DMD: variants seen among roughly 807,000 people sequenced by gnomAD.
The protein encoded by DMD is dystrophin.
DMD carries 63 observed loss-of-function variants against 330.1 expected under a neutral mutation model. The ratio of observed to expected loss-of-function variants is 0.19; its 90% CI spans 0.16 to 0.24. The LOEUF is 0.24. Ranked by LOEUF, DMD falls within the 10% of genes least tolerant of loss-of-function variation. The pLI is 1.00. For synonymous variants in DMD, 1,223 were observed against 959.8 expected, an observed-to-expected ratio of 1.27 and a Z score of -5.07; for missense variants, 3,344 against 2,684.1, an observed-to-expected ratio of 1.25 and a Z score of -5.43.
At chrX:32,782,829 G>C (rs906108751) in intron 7 of DMD, among the ~76,000 whole-genome samples, 1 of 107,816 alleles carries the variant, frequency 9.3e-6, no homozygotes, top group East Asian at 2.9e-4. Context: ...ATTCCATATT[G>C]TATGCCTCTA....
intron 51 of DMD, among the ~76,000 whole-genome samples, chrX:31,732,106 A>T (rs753680216): frequency 9.0e-6 from 1 of 111,488 alleles, no homozygotes; most frequent in South Asian, 3.8e-4. Flanking sequence ...ACCTGAGAAG[A>T]TTATTAATGA....
At chrX:31,736,027 G>A (rs1218787948) in intron 51 of DMD, among the ~76,000 whole-genome samples, 2 of 111,134 alleles carry the variant, frequency 1.8e-5, no homozygotes, top group African/African-American at 6.6e-5. Flanking sequence ...AGGGCCCTGC[G>A]TTTTCATTTT....
intron 54 of DMD, among the ~76,000 whole-genome samples, chrX:31,653,475 C>G (rs976076321): frequency 4.5e-5 from 5 of 110,478 alleles, no homozygotes; most frequent in Admixed American, 9.7e-5. Flanking sequence ...GCATGTTTAA[C>G]CCTCTGATGC....
At chrX:33,140,562 T>C (rs750087089) in intron 1 of DMD, among the ~76,000 whole-genome samples, 1 of 112,684 alleles carries the variant, frequency 8.9e-6, no homozygotes, top group South Asian at 3.6e-4. Context: ...AGTTTTCTCA[T>C]CTATAAAATA....
chrX:31,438,867 C>T (rs189481165), intron 60 of DMD, among the ~76,000 whole-genome samples: 1 of 111,731 alleles, frequency 9.0e-6, no homozygotes, highest in African/African-American at 3.2e-5. Context: ...AACAAACATA[C>T]ATAGATACAG....
rs932620775 is a variant in DMD, at chrX:32,862,894, G to A, written c.94-13074C>T. On this transcript the variant is annotated intron_variant, in intron 2 of 78. Coordinates refer to ENST00000357033, the MANE Select transcript of DMD (RefSeq NM_004006.3). Reference sequence around the variant, plus strand: ...TGGGATTACAGGCGCGAGCCACTACGCTTGGCTAATTTTTTTATATTTTTA... The same window carrying A: ...TGGGATTACAGGCGCGAGCCACTACACTTGGCTAATTTTTTTATATTTTTA... 1.1e-4 allele frequency among the ~76,000 whole-genome samples: 12 copies of A among 110,257 alleles called. No homozygotes were observed. The East Asian group carries it at 2.9e-3, about 27-fold the overall frequency.
intron 50 of DMD, among the ~76,000 whole-genome samples, chrX:31,805,830 G>T (rs1190489987): frequency 8.9e-6 from 1 of 112,177 alleles, no homozygotes; most frequent in Non-Finnish European, 1.9e-5. Flanking sequence ...AGAAGATTAG[G>T]GAAACACATT....
chrX:31,291,564 C>T lies in DMD; in HGVS notation c.9225-30548G>A, dbSNP rs1463533684. ...AGCAATCTTAGAGTATCTTAGTGTG[C>T]TTTAAGTCAACTGACACTGACAAAA... On this transcript the variant is annotated intron_variant, in intron 62 of 78. Transcript: ENST00000357033. Among the ~76,000 whole-genome samples the T allele has an allele frequency of 2.7e-5, 3 of 111,919 alleles. No homozygotes were observed. In the Admixed American group the frequency reaches 2.9e-4, roughly 11 times the overall value.
intron 41 of DMD, among the ~76,000 whole-genome samples, chrX:32,337,018 C>T (rs1164002223): frequency 9.0e-6 from 1 of 111,098 alleles, no homozygotes; most frequent in African/African-American, 3.3e-5. Flanking sequence ...TTAGAAGGAG[C>T]TCTCTGCCTT....
intron 7 of DMD, among the ~76,000 whole-genome samples, chrX:32,804,558 T>A (rs1421892985): frequency 3.6e-5 from 4 of 112,417 alleles, no homozygotes; most frequent in Non-Finnish European, 7.5e-5. Context: ...ATCAGCAGAC[T>A]AAACGTTCTT....
chrX:32,471,091 A>G (rs760842806), intron 22 of DMD, among the ~76,000 whole-genome samples: 8 of 110,988 alleles, frequency 7.2e-5, no homozygotes, highest in African/African-American at 2.6e-4. Context: ...AGCATGGCCA[A>G]GATGGTGAAA....
chrX:31,580,490 T>TA (rs1347212715), intron 55 of DMD, among the ~76,000 whole-genome samples: 1 of 111,914 alleles, frequency 8.9e-6, no homozygotes, highest in South Asian at 3.8e-4. Context: ...TCAGAGCAGA[T>TA]AAACTACCCA....
chrX:32,442,903 T>A (rs1002330627), intron 27 of DMD, among the ~76,000 whole-genome samples: 6 of 111,199 alleles, frequency 5.4e-5, no homozygotes, highest in Non-Finnish European at 9.5e-5. Flanking sequence ...TATTATAGTT[T>A]ACCATTACTG....
At chrX:31,575,847 G>A (rs2076069843) in intron 55 of DMD, among the ~76,000 whole-genome samples, 1 of 111,664 alleles carries the variant, frequency 9.0e-6, no homozygotes, top group African/African-American at 3.3e-5. Flanking sequence ...ATGTATCATA[G>A]CATATGTTGG....
At chrX:33,180,404 G>C (rs933768206) in intron 1 of DMD, among the ~76,000 whole-genome samples, 1 of 111,478 alleles carries the variant, frequency 9.0e-6, no homozygotes, top group African/African-American at 3.3e-5. Context: ...CACAATACTT[G>C]TATACTTTTG....
At chrX:32,487,154 G>GA (rs2042563324) in intron 20 of DMD, among the ~76,000 whole-genome samples, 1 of 111,240 alleles carries the variant, frequency 9.0e-6, no homozygotes, top group Admixed American at 9.5e-5. Flanking sequence ...AAATTTACAA[G>GA]AAAAAAACAA....
chrX:32,863,711 G>A (rs1402782836), intron 2 of DMD, among the ~76,000 whole-genome samples: 1 of 109,886 alleles, frequency 9.1e-6, no homozygotes, highest in Non-Finnish European at 1.9e-5. Flanking sequence ...ATGGACAAAG[G>A]GCATCCAAAG....
intron 32 of DMD, among the ~76,000 whole-genome samples, chrX:32,388,945 G>T (rs1328092875): frequency 3.6e-5 from 4 of 110,855 alleles, no homozygotes; most frequent in Admixed American, 2.9e-4. Context: ...ACCTTTCCAT[G>T]CCTTTTAATT....
At chrX:31,490,353 G>A (rs1469962082) in intron 57 of DMD, among the ~76,000 whole-genome samples, 2 of 111,400 alleles carry the variant, frequency 1.8e-5, no homozygotes, top group Non-Finnish European at 3.8e-5. Flanking sequence ...ACGAGGTCAG[G>A]AGATCGAGAC....
Sources: gnomAD v4.1 joint callset for allele counts (sites outside exome capture counted in the v4.1 genomes callset) on GRCh38, gnomAD v4.1.1 for gene constraint, MANE v1.5 for transcripts, NCBI Gene and HGNC (gene_info 2026-07-23, HGNC 2026-07-21) for gene names.